The following NBAS variants were observed in gnomAD, a reference collection of about 807,000 sequenced individuals.
The protein encoded by NBAS is NBAS subunit of NRZ tethering complex.
NBAS carries 219 observed loss-of-function variants against 302.5 expected under a neutral mutation model. That is an observed-to-expected ratio of 0.72 (90% CI 0.65 to 0.81). The LOEUF is 0.81. NBAS is among the 30% of genes least tolerant of loss of function. The probability of loss-of-function intolerance (pLI) is 0.00; values close to 1 mark genes in which losing one functional copy is unlikely to be tolerated. For missense variants in NBAS, 2,932 were observed against 2,841.6 expected (o/e 1.03, Z -0.72); for synonymous variants, 1,118 against 1,021.6 (o/e 1.09, Z -1.80).
intron 38 of NBAS, among the ~76,000 whole-genome samples, chr2:15,319,423 C>A (rs893950539): frequency 2.0e-5 from 3 of 151,642 alleles, no homozygotes; most frequent in Non-Finnish European, 2.9e-5. Flanking sequence ...GAGATAGAGA[C>A]ACAAAAAACC....
At chr2:15,095,805 C>A in the NBAS span, among the ~76,000 whole-genome samples, 4,333 of 152,278 alleles carry the variant, frequency 0.028, 145 homozygotes, top group East Asian at 0.092. Context: ...GCTTCTCCTG[C>A]AAGCTTGGCC....
At chr2:15,269,211 G>A (rs1443789085) in intron 44 of NBAS, among the ~76,000 whole-genome samples, 1 of 152,216 alleles carries the variant, frequency 6.6e-6, no homozygotes, top group Admixed American at 6.5e-5. Flanking sequence ...GGAAGGCAGA[G>A]TGACCACGGG....
the NBAS span, among the ~76,000 whole-genome samples, chr2:15,146,833 A>G: frequency 6.6e-6 from 1 of 152,132 alleles, no homozygotes; most frequent in Non-Finnish European, 1.5e-5. Flanking sequence ...CACGACCCAC[A>G]CATAATGGGT....
chr2:15,102,352 C>G, the NBAS span, among the ~76,000 whole-genome samples: 1 of 152,196 alleles, frequency 6.6e-6, no homozygotes, highest in African/African-American at 2.4e-5. Context: ...CACCCAGGAA[C>G]TGCAGACACC....
In NBAS at chr2:15,237,635, G is replaced by A. The variant is rs181162502; in HGVS notation, c.5943+833C>T. ...ATCTGAGACAGAGTCTCGCTCTGTC[G>A]CCCAGGCTGGGGTGCAGTGGAGCAA... On this transcript the variant is annotated intron_variant, in intron 45 of 51. Transcript: ENST00000281513. Among the ~76,000 whole-genome samples the A allele has an allele frequency of 3.8e-3, 573 of 149,116 alleles. 3 individuals carry two copies. The highest frequency in any genetic ancestry group is 5.8e-3 in the Non-Finnish European group (393 of 67,398).
chr2:15,400,240 A>G (rs1370293578), intron 26 of NBAS, among the ~76,000 whole-genome samples: 1 of 148,784 alleles, frequency 6.7e-6, no homozygotes, highest in Non-Finnish European at 1.5e-5. Flanking sequence ...GAGACAGAGA[A>G]AAAAAAAAAC....
the NBAS span, among the ~76,000 whole-genome samples, chr2:15,120,290 T>C: frequency 1.4e-4 from 21 of 152,286 alleles, no homozygotes; most frequent in South Asian, 3.9e-3. Flanking sequence ...GTAAATTCTT[T>C]ATTGCATTTA....
intron 35 of NBAS, among the ~76,000 whole-genome samples, chr2:15,331,355 G>A (rs1172518270): frequency 6.6e-6 from 1 of 152,198 alleles, no homozygotes; most frequent in Non-Finnish European, 1.5e-5. Context: ...TAATCTGAGA[G>A]ATTCCACGAG....
At chr2:15,379,291 A>G (rs1674912116) in intron 30 of NBAS, among the ~76,000 whole-genome samples, 1 of 151,378 alleles carries the variant, frequency 6.6e-6, no homozygotes, top group South Asian at 2.1e-4. Flanking sequence ...TTACCTACGC[A>G]TGCTGAAAAT....
At chr2:15,310,060 G>A (rs1037586798) in intron 38 of NBAS, among the ~76,000 whole-genome samples, 3 of 152,126 alleles carry the variant, frequency 2.0e-5, no homozygotes, top group East Asian at 1.9e-4. Context: ...ATAATTCAAC[G>A]GAAATGATAT....
chr2:14,879,123 T>C, the NBAS span, among the ~76,000 whole-genome samples: 7 of 152,256 alleles, frequency 4.6e-5, no homozygotes, highest in Admixed American at 3.3e-4. Context: ...CCATGTCTCT[T>C]CATGGCTTTA....
chr2:14,914,055 G>T, the NBAS span, among the ~76,000 whole-genome samples: 2 of 152,162 alleles, frequency 1.3e-5, no homozygotes, highest in Admixed American at 1.3e-4. Context: ...GGTAGCAGGC[G>T]AGACAGAATA....
At chr2:15,057,886 G>A in the NBAS span, among the ~76,000 whole-genome samples, 15 of 152,126 alleles carry the variant, frequency 9.9e-5, no homozygotes, top group African/African-American at 3.1e-4. Context: ...ATAAACATGC[G>A]TGCGAAATAT....
the NBAS span, among the ~76,000 whole-genome samples, chr2:15,138,897 A>G: frequency 6.6e-6 from 1 of 152,338 alleles, no homozygotes. Flanking sequence ...AGCTCCAAGA[A>G]GTCACCTTAT....
intron 25 of NBAS, 107 bp downstream of exon 25, chr2:15,415,439 T>C: frequency 9.6e-7 from 1 of 1,039,988 alleles, no homozygotes; most frequent in Non-Finnish European, 1.5e-6. Flanking sequence ...TGTTTTTCTG[T>C]TTAAAGGGAA....
chr2:15,173,711 A>C (rs1664403017), intron 51 of NBAS, among the ~76,000 whole-genome samples: 1 of 152,174 alleles, frequency 6.6e-6, no homozygotes, highest in African/African-American at 2.4e-5. Flanking sequence ...TCACGATCTC[A>C]CAACGAGACG....
chr2:15,417,141 T>G (rs182806018), intron 24 of NBAS, among the ~76,000 whole-genome samples: 1 of 152,316 alleles, frequency 6.6e-6, no homozygotes, highest in Non-Finnish European at 1.5e-5. Flanking sequence ...GATGTTTTCT[T>G]CAAACAACCA....
chr2:15,501,109 G>T (rs1661523980), intron 11 of NBAS, among the ~76,000 whole-genome samples: 1 of 151,912 alleles, frequency 6.6e-6, no homozygotes. Context: ...AGACCATCCT[G>T]GCTAACATGG....
chr2:15,084,987 CTGCAGGGAGCA>C, the NBAS span, among the ~76,000 whole-genome samples: 1 of 152,250 alleles, frequency 6.6e-6, no homozygotes, highest in Non-Finnish European at 1.5e-5. Context: ...ATGCTGGCCG[CTGCAGGGAGCA>C]TGCAGGGAGG....
Sources: gnomAD v4.1 joint callset for allele counts (sites outside exome capture counted in the v4.1 genomes callset) on GRCh38, gnomAD v4.1.1 for gene constraint, MANE v1.5 for transcripts, NCBI Gene and HGNC (gene_info 2026-07-23, HGNC 2026-07-21) for gene names.